The following SCN4B variants were observed in gnomAD, a reference collection of about 807,000 sequenced individuals.
SCN4B encodes the protein sodium channel regulatory subunit beta-4.
Under a neutral mutation model 19.6 loss-of-function variants are expected in SCN4B, and 20 were observed. The observed-to-expected ratio is 1.02, with a 90% confidence interval of 0.72 to 1.48. The LOEUF is 1.48. Among genes scored for constraint, SCN4B ranks in the 40% most tolerant of loss-of-function variants. The pLI, the probability that SCN4B is intolerant of heterozygous loss-of-function variation, is 0.00. For synonymous variants in SCN4B, 127 were observed against 122.8 expected (o/e 1.03, Z -0.22); for missense variants, 271 against 287.5 (o/e 0.94, Z 0.42).
Position 118,141,332 on chromosome 11 carries a change from T to C in SCN4B, c.468A>G (p.Glu156=), listed in dbSNP as rs754601102. ...TIFLQVVDRL[E]EVDNTVTLII... ...TGAGTGTCACTGTGTTGTCCACTTC[T>C]TCCACTGTGTGGCCCGAGTAGGGAG... The change falls in exon 4 of 5, where the codon GAA becomes GAG. Residue 156 remains glutamate (E), a synonymous_variant. Coordinates refer to ENST00000324727, the MANE Select transcript of SCN4B (RefSeq NM_174934.4). 1.2e-6 allele frequency: 2 copies of C among 1,612,220 alleles called. No individual in the cohort carries two copies. Among genetic ancestry groups the C allele is most frequent in the Non-Finnish European group, 1.7e-6 (2 of 1,180,006 alleles).
At chr11:118,141,563 C>T in intron 3 of SCN4B, 1 of 590,202 alleles carries the variant, frequency 1.7e-6, no homozygotes, top group Non-Finnish European at 3.0e-6. Flanking sequence ...CTCCCCCACC[C>T]TGCACATGCC....
Position 118,152,774 on chromosome 11 carries a change from G to A in SCN4B, c.-101C>T. ...CGGCGTTCGGCCACAAAGCTACCCCGGAGCTCTGCGCCGCCGGTCGGGGCT... is the reference window on the plus strand; with the variant it reads ...CGGCGTTCGGCCACAAAGCTACCCCAGAGCTCTGCGCCGCCGGTCGGGGCT... On this transcript the variant is annotated 5_prime_UTR_variant, in exon 1 of 5. Coordinates refer to ENST00000324727, the MANE Select transcript of SCN4B (RefSeq NM_174934.4). 9.2e-6 allele frequency: 8 copies of A among 866,862 alleles called. No homozygotes were observed. Among genetic ancestry groups the A allele is most frequent in the Non-Finnish European group, 1.4e-5 (8 of 581,346 alleles). The allele number at this position is 866,862 out of a possible 1,614,324, so 53.7% of individuals were successfully genotyped here.
In SCN4B at chr11:118,148,884, G is replaced by A. The variant is rs1023656650; in HGVS notation, c.62-3655C>T. 4.6e-5 allele frequency among the ~76,000 whole-genome samples: 7 copies of A among 151,430 alleles called. No homozygotes were observed. The highest frequency in any genetic ancestry group is 1.5e-4 in the African/African-American group (6 of 41,206). The stretch of plus-strand genomic sequence containing the variant: ...TTAATTCTAGAATGTTAAAGTGTAC[G>A]TGTGTGTGTGTGTGAGAGTGGGGGG... On this transcript the variant is annotated intron_variant, in intron 1 of 4. Transcript: ENST00000324727. This position sits in a 1 kb window ranked among gnomAD's most constrained non-coding sequence, Gnocchi z 4.0.
chr11:118,150,065 C>T (rs574789842), intron 1 of SCN4B, among the ~76,000 whole-genome samples: 1 of 152,272 alleles, frequency 6.6e-6, no homozygotes, highest in East Asian at 1.9e-4. Context: ...TAATTGCATT[C>T]TCATTAAACA....
In SCN4B at chr11:118,136,122, G is replaced by C. The variant is rs565174265; in HGVS notation, c.*905C>G. On this transcript the variant is annotated 3_prime_UTR_variant, in exon 5 of 5. Coordinates refer to ENST00000324727, the MANE Select transcript of SCN4B (RefSeq NM_174934.4). Reference sequence around the variant, plus strand: ...GAGAAGCAGGGGAGAGCTGGGCTCAGGAGTGCCCAGAGTGGCGATGGTCCT... The same window carrying C: ...GAGAAGCAGGGGAGAGCTGGGCTCACGAGTGCCCAGAGTGGCGATGGTCCT... 905 of 438,836 alleles carry C rather than the reference G, an allele frequency of 2.1e-3. 5 individuals carry two copies. Among genetic ancestry groups the C allele is most frequent in the Non-Finnish European group, 3.0e-3 (664 of 220,034 alleles). The allele number at this position is 438,836 out of a possible 1,614,324, so 27.2% of individuals were successfully genotyped here. A position where few individuals can be genotyped will look rare whatever the true frequency, so the allele number is the denominator to read the frequency against.
chr11:118,151,122 G>GCGCGCACA (rs1046976711), intron 1 of SCN4B, among the ~76,000 whole-genome samples: 4 of 149,132 alleles, frequency 2.7e-5, no homozygotes, highest in African/African-American at 7.4e-5. Flanking sequence ...TTACACACGT[G>GCGCGCACA]CACACACACA....
Position 118,133,434 on chromosome 11 carries a change from A to C in SCN4B, c.*3593T>G. 1 of 436,808 alleles carries C rather than the reference A, an allele frequency of 2.3e-6. No homozygotes were observed. Among genetic ancestry groups the C allele is most frequent in the African/African-American group, 2.0e-5 (1 of 49,556 alleles). The allele number at this position is 436,808 out of a possible 1,614,324, so 27.1% of individuals were successfully genotyped here. On this transcript the variant is annotated 3_prime_UTR_variant, in exon 5 of 5. Coordinates refer to ENST00000324727, the MANE Select transcript of SCN4B (RefSeq NM_174934.4). ...AAAGCTAAATACAATTCTACAATGC[A>C]AAACTTGTTGTAGAGGCCAGACTGA...
chr11:118,136,982 C>T lies in SCN4B; in HGVS notation c.*45G>A. On this transcript the variant is annotated 3_prime_UTR_variant, in exon 5 of 5. Transcript: ENST00000324727. ...GTCGGGGCTCAAGCATCAGTTTCAT[C>T]ATCAGAAAGGGGGCTCCCTGCAGCT... The T allele has an allele frequency of 1.5e-6, 2 of 1,348,576 alleles. No individual in the cohort carries two copies. The highest frequency in any genetic ancestry group is 2.1e-6 in the Non-Finnish European group (2 of 939,706). The allele number at this position is 1,348,576 out of a possible 1,614,324, so 83.5% of individuals were successfully genotyped here. A position where few individuals can be genotyped will look rare whatever the true frequency, so the allele number is the denominator to read the frequency against.
intron 1 of SCN4B, among the ~76,000 whole-genome samples, chr11:118,147,794 C>T (rs1007377771): frequency 1.3e-5 from 2 of 152,146 alleles, no homozygotes; most frequent in Non-Finnish European, 2.9e-5. Context: ...CCTCAGGGCA[C>T]CAAGGAGTGT....
In SCN4B at chr11:118,145,165, G is replaced by A. The variant is rs1948155143; in HGVS notation, c.126C>T (p.Tyr42=). ...EVSVGKATDI[Y]AVNGTEILLP... ...GCAGGATCTCCGTGCCATTGACAGC[G>A]TAGATGTCGGTGGCCTTTCCCACAG... The change falls in exon 2 of 5, where the codon TAC becomes TAT. Residue 42 remains tyrosine, a synonymous_variant. Coordinates refer to ENST00000324727, the MANE Select transcript of SCN4B (RefSeq NM_174934.4). 6.2e-7 allele frequency: 1 copy of A among 1,614,030 alleles called. No individual in the cohort carries two copies. The highest frequency in any genetic ancestry group is 1.3e-5 in the African/African-American group (1 of 74,910).
Position 118,141,240 on chromosome 11 carries a change from A to C in SCN4B, c.560T>G (p.Ile187Ser). The C allele has an allele frequency of 1.9e-6, 3 of 1,612,974 alleles. No homozygotes were observed. In the South Asian group the frequency reaches 3.3e-5, roughly 18 times the overall value. ...LILILLIKKL[I>S]IFILKKTREK... ...CCGAGTCTTCTTCAGGATGAAGATG[A>C]TGAGTTTCTTGATCAGCAGGATGAG... Residue 187 changes from isoleucine (I) to serine (S), a missense_variant, in exon 4 of 5, where the codon ATC (isoleucine) becomes AGC (serine). Ile to Ser is a moderately radical substitution (Grantham distance 142, BLOSUM62 -2). Coordinates refer to ENST00000324727, the MANE Select transcript of SCN4B (RefSeq NM_174934.4).
intron 4 of SCN4B, 94 bp downstream of exon 4, chr11:118,141,113 A>C (rs1457061429): frequency 5.8e-6 from 8 of 1,383,474 alleles, no homozygotes; most frequent in Non-Finnish European, 8.2e-6. Context: ...AATGGGGGGA[A>C]GGAGGAGGCA....
chr11:118,152,602 G>T lies in SCN4B; in HGVS notation c.61+11C>A. The T allele has an allele frequency of 6.2e-7, 1 of 1,611,496 alleles. No individual in the cohort carries two copies. ...GAGGCAAGAGAAGAGACCAAGCTGG[G>T]GCTGCCTTACCCAAAAGCCCAGTGC... On this transcript the variant is annotated intron_variant, in intron 1 of 4. Transcript: ENST00000324727.
At chr11:118,149,458 A>G (rs1384116386) in intron 1 of SCN4B, among the ~76,000 whole-genome samples, 1 of 152,036 alleles carries the variant, frequency 6.6e-6, no homozygotes, top group East Asian at 1.9e-4. Context: ...GCAGGACAGG[A>G]CCCCTCCTGG....
chr11:118,140,989 G>C (rs567234613), intron 4 of SCN4B, among the ~76,000 whole-genome samples: 1 of 152,126 alleles, frequency 6.6e-6, no homozygotes, highest in Non-Finnish European at 1.5e-5. Flanking sequence ...TGTATTCAAT[G>C]AACGTATTCA....
chr11:118,152,783 C>G lies in SCN4B; in HGVS notation c.-110G>C. The stretch of plus-strand genomic sequence containing the variant: ...GCCACAAAGCTACCCCGGAGCTCTG[C>G]GCCGCCGGTCGGGGCTCGGGAAAGT... On this transcript the variant is annotated 5_prime_UTR_variant, in exon 1 of 5. Transcript: ENST00000324727. The G allele has an allele frequency of 1.3e-6, 1 of 768,940 alleles. No homozygotes were observed. The highest frequency in any genetic ancestry group is 2.5e-5 in the South Asian group (1 of 40,050). The allele number at this position is 768,940 out of a possible 1,614,324, so 47.6% of individuals were successfully genotyped here. A position where few individuals can be genotyped will look rare whatever the true frequency, so the allele number is the denominator to read the frequency against.
chr11:118,152,688 C>T lies in SCN4B; in HGVS notation c.-15G>A, dbSNP rs777218649. On this transcript the variant is annotated 5_prime_UTR_variant, in exon 1 of 5. Coordinates refer to ENST00000324727, the MANE Select transcript of SCN4B (RefSeq NM_174934.4). ...GCCCCGGGCATAGTCCTGTTCTCTC[C>T]GGAGCGCGCGGGGGTCGCGGGGATG... 3.5e-5 allele frequency: 56 copies of T among 1,580,042 alleles called. 1 individual carries two copies. Among genetic ancestry groups the T allele is most frequent in the Non-Finnish European group, 1.2e-5 (14 of 1,155,614 alleles).
Position 118,135,892 on chromosome 11 carries a change from G to A in SCN4B, c.*1135C>T. 2.2e-6 allele frequency: 1 copy of A among 454,416 alleles called. No individual in the cohort carries two copies. The highest frequency in any genetic ancestry group is 1.6e-5 in the South Asian group (1 of 64,476). 28.1% of individuals were successfully genotyped at this position (454,416 alleles called of 1,614,324 possible). On this transcript the variant is annotated 3_prime_UTR_variant, in exon 5 of 5. Transcript: ENST00000324727. ...CTCCTCCCCAACCCCAGGGTGGGAG[G>A]GGGTGGCCCAGCTGAGCAGGAAGCA...
chr11:118,144,188 T>C, intron 2 of SCN4B, 127 bp from the exon 3 acceptor site: 1 of 697,942 alleles, frequency 1.4e-6, no homozygotes, highest in South Asian at 1.6e-5. Context: ...GAGCCTGTAG[T>C]CACGCCCTGC....
Sources: allele counts gnomAD v4.1 joint callset (sites outside exome capture counted in the v4.1 genomes callset), GRCh38; gene constraint gnomAD v4.1.1; non-coding constraint Gnocchi (gnomAD v3.1); transcripts MANE v1.5; gene names NCBI Gene and HGNC (gene_info 2026-07-23, HGNC 2026-07-21).